The following GDPD4 variants were observed in gnomAD, a reference collection of about 807,000 sequenced individuals.
GDPD4 encodes glycerophosphodiester phosphodiesterase domain containing 4, also known as glycerophosphodiester phosphodiesterase 6.
GDPD4 carries 60 observed loss-of-function variants against 67.8 expected under a neutral mutation model. The ratio of observed to expected loss-of-function variants is 0.88; its 90% confidence interval spans 0.72 to 1.10. The LOEUF is 1.10. Ranked by LOEUF, GDPD4 falls within the 50% of genes least tolerant of loss-of-function variation. The pLI is 0.00. For synonymous variants in GDPD4, 212 were observed against 210.9 expected (o/e 1.00, Z -0.04); for missense variants, 623 against 613.9 (o/e 1.01, Z -0.16).
intron 15 of GDPD4, 71 bp downstream of exon 15, chr11:77,229,079 A>C (rs1194291837): frequency 1.4e-6 from 1 of 716,338 alleles, no homozygotes; most frequent in East Asian, 2.8e-5. Flanking sequence ...CGTAACTCTT[A>C]TTTTTCTCAA....
chr11:77,279,338 T>C lies in GDPD4; in HGVS notation c.115A>G (p.Arg39Gly), dbSNP rs1959645510. The change falls in exon 4 of 17, where the codon AGG becomes GGG. Residue 39 changes from arginine (R) to glycine (G), a missense_variant. Coordinates refer to ENST00000315938, the MANE Select transcript of GDPD4 (RefSeq NM_182833.3). The part of the protein sequence containing the change: ...FWSIFILSLA[R>G]ILTAYSSLLL... ...AATGAAGAGTAGGCAGTCAGGATCC[T>C]AGCTAAACTCAGAATAAAAATAGAC... 17 of 1,612,190 alleles carry C rather than the reference T, an allele frequency of 1.1e-5. No individual in the cohort carries two copies. The highest frequency in any genetic ancestry group is 1.7e-5 in the Admixed American group (1 of 59,970).
chr11:77,278,159 T>C (rs1048167523), intron 4 of GDPD4, among the ~76,000 whole-genome samples: 4 of 152,170 alleles, frequency 2.6e-5, no homozygotes, highest in African/African-American at 9.7e-5. Context: ...CTTCTAACCA[T>C]GTTAGCCAGG....
intron 10 of GDPD4, among the ~76,000 whole-genome samples, chr11:77,260,327 GA>G (rs386419735): frequency 1.0e-4 from 15 of 149,042 alleles, no homozygotes; most frequent in East Asian, 2.0e-4. Flanking sequence ...ATGGTCGGGG[GA>G]GGGGGGGGAA....
At chr11:77,226,226 T>TATCA (rs1958334933) in intron 16 of GDPD4, among the ~76,000 whole-genome samples, 1 of 152,176 alleles carries the variant, frequency 6.6e-6, no homozygotes, top group Non-Finnish European at 1.5e-5. Flanking sequence ...CTCCATGTTC[T>TATCA]ATCACTGCTT....
chr11:77,269,423 C>A (rs1236990080), intron 8 of GDPD4, among the ~76,000 whole-genome samples: 1 of 152,046 alleles, frequency 6.6e-6, no homozygotes. Context: ...TCTAAGAAAG[C>A]CCCAGAGCCT....
rs781532010 is a variant in GDPD4 at position 77,243,707 on chromosome 11, G to A, written c.1228C>T (p.Pro410Ser). Residue 410 changes from proline (P) to serine (S), a missense_variant, in exon 13 of 17, where the codon CCT (proline) becomes TCT (serine). Physicochemically the swap from Pro to Ser is moderately conservative, Grantham distance 74. Transcript: ENST00000315938. The part of the protein sequence containing the change: ...IINVDYKKLF[P>S]NGLRDYKAAN... ...TCAAACACTTACCTTAACCCATTAGGGAACAACTTCTTGTAGTCAACATTT... is the reference window on the plus strand; with the variant it reads ...TCAAACACTTACCTTAACCCATTAGAGAACAACTTCTTGTAGTCAACATTT... 9 of 1,612,622 alleles carry A rather than the reference G, an allele frequency of 5.6e-6. No homozygotes were observed. Among genetic ancestry groups the A allele is most frequent in the Middle Eastern group, 1.7e-4 (1 of 6,058 alleles).
chr11:77,297,043 G>A (rs555786022), intron 1 of GDPD4, among the ~76,000 whole-genome samples: 3 of 138,418 alleles, frequency 2.2e-5, no homozygotes, highest in African/African-American at 5.4e-5. Flanking sequence ...GACAGAGGGA[G>A]ACTGCCTCAA....
chr11:77,255,326 G>T (rs1006429137), intron 11 of GDPD4, among the ~76,000 whole-genome samples: 3 of 152,124 alleles, frequency 2.0e-5, no homozygotes, highest in African/African-American at 4.8e-5. Flanking sequence ...CAGCACTTTG[G>T]GGGGCTGAGG....
Position 77,216,749 on chromosome 11 carries a change from C to CCCTT in GDPD4, c.*524_*527dup. The CCCTT allele has an allele frequency of 1.7e-6, 1 of 597,926 alleles. No homozygotes were observed. Among genetic ancestry groups the CCCTT allele is most frequent in the Non-Finnish European group, 3.0e-6 (1 of 337,342 alleles). 37.0% of individuals were successfully genotyped at this position (597,926 alleles called of 1,614,324 possible). On this transcript the variant is annotated 3_prime_UTR_variant, in exon 17 of 17. Transcript: ENST00000315938. Reference sequence around the variant, plus strand: ...ATGGTTCCCCTGAGAGCCTCCGTGGCCCTTCTGTGTGCCTTTATCAACCAC... The same window carrying CCCTT: ...ATGGTTCCCCTGAGAGCCTCCGTGGCCCTTCCTTCTGTGTGCCTTTATCAACCAC...
At chr11:77,271,930 A>G (rs780205690) in intron 5 of GDPD4, among the ~76,000 whole-genome samples, 5 of 152,232 alleles carry the variant, frequency 3.3e-5, no homozygotes, top group Non-Finnish European at 7.3e-5. Context: ...TCCAATAAGT[A>G]TTTATTAAAC....
intron 1 of GDPD4, among the ~76,000 whole-genome samples, chr11:77,300,867 C>T (rs552687754): frequency 6.6e-6 from 1 of 152,152 alleles, no homozygotes; most frequent in Non-Finnish European, 1.5e-5. Flanking sequence ...AATGATGAAA[C>T]TACTGCATAT....
intron 1 of GDPD4, among the ~76,000 whole-genome samples, chr11:77,299,915 T>G (rs1037942112): frequency 5.9e-5 from 9 of 152,168 alleles, no homozygotes; most frequent in Admixed American, 1.3e-4. Context: ...CAAAGTAAAC[T>G]ATGAGGCATA....
intron 2 of GDPD4, 125 bp from the exon 3 acceptor site, chr11:77,285,312 T>A: frequency 1.7e-6 from 1 of 591,792 alleles, no homozygotes; most frequent in South Asian, 2.1e-5. Flanking sequence ...GAGGCTGGAG[T>A]GATCACTCTC....
At position 77,216,744 on chromosome 11, in the gene GDPD4, C is replaced by T. The variant is rs115705844; in HGVS notation, c.*533G>A. ...GCACAATGGTTCCCCTGAGAGCCTC[C>T]GTGGCCCTTCTGTGTGCCTTTATCA... is the stretch of plus-strand genomic sequence containing the variant. On this transcript the variant is annotated 3_prime_UTR_variant, in exon 17 of 17. Transcript: ENST00000315938. 154 of 596,120 alleles carry T rather than the reference C, an allele frequency of 2.6e-4. No individual in the cohort carries two copies. Among genetic ancestry groups the T allele is most frequent in the African/African-American group, 2.5e-3 (135 of 53,886 alleles). 36.9% of individuals were successfully genotyped at this position (596,120 alleles called of 1,614,324 possible).
Position 77,236,071 on chromosome 11 carries a change from C to T in GDPD4, c.1242-2899G>A, listed in dbSNP as rs145285292. On this transcript the variant is annotated intron_variant, in intron 13 of 16. Coordinates refer to ENST00000315938, the MANE Select transcript of GDPD4 (RefSeq NM_182833.3). ...GGGAAGGAGTGATCAAAAAACCCCACAAGGAATAGAAAGGACAAATAGAAA... is the reference window on the plus strand; with the variant it reads ...GGGAAGGAGTGATCAAAAAACCCCATAAGGAATAGAAAGGACAAATAGAAA... Among the ~76,000 whole-genome samples the T allele has an allele frequency of 2.8e-3, 414 of 150,096 alleles. 2 individuals are homozygous for T. The highest frequency in any genetic ancestry group is 4.5e-3 in the Non-Finnish European group (305 of 67,440).
At chr11:77,289,989 A>C (rs1325683366) in intron 1 of GDPD4, among the ~76,000 whole-genome samples, 1 of 152,222 alleles carries the variant, frequency 6.6e-6, no homozygotes, top group African/African-American at 2.4e-5. Flanking sequence ...CCAATTTAAT[A>C]AAATAATCAC....
At chr11:77,247,951 C>T (rs887572757) in intron 11 of GDPD4, among the ~76,000 whole-genome samples, 2 of 146,672 alleles carry the variant, frequency 1.4e-5, no homozygotes, top group Admixed American at 1.4e-4. Context: ...ACTTGGGAGG[C>T]TGAGGCAGGA....
intron 16 of GDPD4, among the ~76,000 whole-genome samples, chr11:77,225,146 T>TCTATCCAAAAATAAAGGAAATTA (rs1462771687): frequency 1.3e-5 from 2 of 151,728 alleles, no homozygotes; most frequent in Non-Finnish European, 2.9e-5. Flanking sequence ...AGCAATAGAA[T>TCTATCCAAAAATAAAGGAAATTA]CTATCCAAAA....
At chr11:77,298,325 A>G (rs1210559575) in intron 1 of GDPD4, among the ~76,000 whole-genome samples, 1 of 152,182 alleles carries the variant, frequency 6.6e-6, no homozygotes, top group Non-Finnish European at 1.5e-5. Context: ...CAGCCTGACC[A>G]ACATGGTGAA....
Sources: allele counts gnomAD v4.1 joint callset (sites outside exome capture counted in the v4.1 genomes callset), GRCh38; gene constraint gnomAD v4.1.1; transcripts MANE v1.5; gene names NCBI Gene and HGNC (gene_info 2026-07-23, HGNC 2026-07-21).